ZBTB16: variants seen among roughly 807,000 people sequenced by gnomAD.
ZBTB16 encodes zinc finger and BTB domain-containing protein 16.
A neutral mutation model predicts 56.8 loss-of-function variants in ZBTB16; 8 were observed. That is an observed-to-expected ratio of 0.14 (90% confidence interval 0.08 to 0.25). The LOEUF (loss-of-function observed/expected upper bound fraction) is 0.25. Ranked by LOEUF, ZBTB16 falls within the 10% of genes least tolerant of loss-of-function variation. The probability of loss-of-function intolerance (pLI) is 1.00; values close to 1 mark genes in which losing one functional copy is unlikely to be tolerated. For missense variants in ZBTB16, 625 were observed against 903.0 expected (o/e 0.69, Z 3.95); for synonymous variants, 363 against 368.5 (o/e 0.98, Z 0.17).
chr11:114,162,100 G>T (rs1034210309), intron 3 of ZBTB16, among the ~76,000 whole-genome samples: 1 of 152,212 alleles, frequency 6.6e-6, no homozygotes, highest in Non-Finnish European at 1.5e-5. Context: ...TTCGTTGATA[G>T]ATTTTCTGAT....
At position 114,248,189 on chromosome 11, in the gene ZBTB16, G is replaced by A. The variant is rs576329315; in HGVS notation, c.1792+824G>A. 1.8e-4 allele frequency among the ~76,000 whole-genome samples: 28 copies of A among 152,270 alleles called. No individual in the cohort carries two copies. The South Asian group carries it at 2.3e-3, about 12-fold the overall frequency. On this transcript the variant is annotated intron_variant, in intron 6 of 6. Transcript: ENST00000335953. The stretch of plus-strand genomic sequence containing the variant: ...GCTGGGATTACAGGCGTGAGCCACC[G>A]TGCCCATCCACATTATTTTTTGTAT...
rs1244247575 is a variant in ZBTB16 at position 114,060,671 on chromosome 11, A to G, written c.-91+789A>G. The G allele has an allele frequency of 6.7e-6, 1 of 150,296 alleles. No individual in the cohort carries two copies. The highest frequency in any genetic ancestry group is 1.5e-5 in the Non-Finnish European group (1 of 67,676). 9.3% of individuals were successfully genotyped at this position (150,296 alleles called of 1,614,324 possible). On this transcript the variant is annotated intron_variant, in intron 1 of 6. Coordinates refer to ENST00000335953, the MANE Select transcript of ZBTB16 (RefSeq NM_006006.6). This position sits in a 1 kb window ranked among gnomAD's most constrained non-coding sequence, Gnocchi z 6.0. ...CGCTAGCTCGCACAGCGCCTCGCAC[A>G]CTCCCGCACGCGCTTGAAATGCGCA...
chr11:114,164,383 A>G (rs1942684326), intron 3 of ZBTB16, among the ~76,000 whole-genome samples: 1 of 152,204 alleles, frequency 6.6e-6, no homozygotes, highest in African/African-American at 2.4e-5. Flanking sequence ...TTATTAGGAA[A>G]TGAATGGTGC....
chr11:114,248,117 C>G (rs573626555), intron 6 of ZBTB16, among the ~76,000 whole-genome samples: 40 of 152,242 alleles, frequency 2.6e-4, no homozygotes, highest in African/African-American at 7.9e-4. Flanking sequence ...TCAGGCTGGT[C>G]TCGAACTCCT....
intron 4 of ZBTB16, among the ~76,000 whole-genome samples, chr11:114,215,890 CAG>C (rs1944084778): frequency 6.6e-6 from 1 of 152,146 alleles, no homozygotes; most frequent in Non-Finnish European, 1.5e-5. Context: ...CTGCAATAGT[CAG>C]GGGCAGGAGC....
intron 4 of ZBTB16, among the ~76,000 whole-genome samples, chr11:114,212,842 C>A (rs1325833929): frequency 6.6e-6 from 1 of 152,050 alleles, no homozygotes; most frequent in Non-Finnish European, 1.5e-5. Context: ...TCCGTGCTCA[C>A]GTGTGCCGGA....
At position 114,108,216 on chromosome 11, in the gene ZBTB16, C is replaced by T. The variant is rs238918; in HGVS notation, c.1268+43648C>T. On this transcript the variant is annotated intron_variant, in intron 2 of 6. Transcript: ENST00000335953. ...TTAGCTCTGAGACCCCAGGCCCGGACAAAAGAGGGTGCACAGAGCAGCTGA... is the reference window on the plus strand; with the variant it reads ...TTAGCTCTGAGACCCCAGGCCCGGATAAAAGAGGGTGCACAGAGCAGCTGA... Among the ~76,000 whole-genome samples, 1,344 of 152,184 alleles carry T rather than the reference C, an allele frequency of 8.8e-3. 25 individuals carry two copies. Among genetic ancestry groups the T allele is most frequent in the African/African-American group, 0.03 (1,255 of 41,522 alleles).
At chr11:114,066,392 G>A (rs2852789) in intron 2 of ZBTB16, among the ~76,000 whole-genome samples, 53,686 of 152,128 alleles carry the variant, frequency 0.35, 11,523 homozygotes, top group East Asian at 0.48. Flanking sequence ...GACTGAGGTT[G>A]TGTTTGTTTT....
intron 2 of ZBTB16, among the ~76,000 whole-genome samples, chr11:114,110,207 A>G (rs994231418): frequency 3.9e-5 from 6 of 152,032 alleles, no homozygotes; most frequent in East Asian, 3.9e-4. Context: ...TCCTAGCCCT[A>G]TGAAGGGCTC....
At chr11:114,084,650 T>C (rs1241037076) in intron 2 of ZBTB16, among the ~76,000 whole-genome samples, 2 of 152,058 alleles carry the variant, frequency 1.3e-5, no homozygotes, top group Non-Finnish European at 2.9e-5. Flanking sequence ...GAGCCCCCAC[T>C]CCGTGCATCA....
intron 2 of ZBTB16, among the ~76,000 whole-genome samples, chr11:114,093,480 C>T (rs1940269411): frequency 6.6e-6 from 1 of 152,160 alleles, no homozygotes; most frequent in African/African-American, 2.4e-5. Context: ...TGTCCTTGCC[C>T]ATCTTTGAGA....
chr11:114,091,094 T>C (rs12221908), intron 2 of ZBTB16, among the ~76,000 whole-genome samples: 1 of 152,016 alleles, frequency 6.6e-6, no homozygotes, highest in Non-Finnish European at 1.5e-5. Flanking sequence ...CTGGGTGCGG[T>C]GGGAGGCACT....
At position 114,059,740 on chromosome 11, in the gene ZBTB16, G is replaced by T. The variant is rs1938746431; in HGVS notation, c.-233G>T. On this transcript the variant is annotated 5_prime_UTR_variant, in exon 1 of 7. Coordinates refer to ENST00000335953, the MANE Select transcript of ZBTB16 (RefSeq NM_006006.6). This position sits in a 1 kb window ranked among gnomAD's most constrained non-coding sequence, Gnocchi z 5.3. ...GAGAGGAGTTGAGGGCGATGAGAGCGGGTACTGCGAACTGCCGGGCGATGC... is the reference window on the plus strand; with the variant it reads ...GAGAGGAGTTGAGGGCGATGAGAGCTGGTACTGCGAACTGCCGGGCGATGC... 5.0e-6 allele frequency: 2 copies of T among 398,370 alleles called. No individual in the cohort carries two copies. Among genetic ancestry groups the T allele is most frequent in the Middle Eastern group, 6.3e-4 (1 of 1,590 alleles). 24.7% of individuals were successfully genotyped at this position (398,370 alleles called of 1,614,324 possible). A position where few individuals can be genotyped will look rare whatever the true frequency, so the allele number is the denominator to read the frequency against.
chr11:114,209,404 G>A, intron 4 of ZBTB16: 1 of 985,364 alleles, frequency 1.0e-6, no homozygotes, highest in Non-Finnish European at 1.2e-6. Context: ...GAGGGAGGAA[G>A]GATATAAAAG....
intron 2 of ZBTB16, among the ~76,000 whole-genome samples, chr11:114,146,864 A>C (rs1305623153): frequency 6.6e-6 from 1 of 151,828 alleles, no homozygotes; most frequent in Non-Finnish European, 1.5e-5. Flanking sequence ...AAAAAAAAAA[A>C]AACCAAAACC....
chr11:114,074,341 G>T (rs116670126), intron 2 of ZBTB16, among the ~76,000 whole-genome samples: 8 of 152,196 alleles, frequency 5.3e-5, no homozygotes. Context: ...GGCCCTTAGC[G>T]TGATCCATCG....
intron 6 of ZBTB16, among the ~76,000 whole-genome samples, chr11:114,249,771 C>CAAAAAAAAAAAAAACA (rs1944884901): frequency 1.7e-5 from 1 of 59,336 alleles, no homozygotes; most frequent in Non-Finnish European, 2.8e-5. Flanking sequence ...GACTCCGTCT[C>CAAAAAAAAAAAAAACA]AAAAAAAAAA....
At chr11:114,179,108 C>A (rs1943186244) in intron 3 of ZBTB16, among the ~76,000 whole-genome samples, 1 of 152,214 alleles carries the variant, frequency 6.6e-6, no homozygotes, top group African/African-American at 2.4e-5. Context: ...CACAGCTACC[C>A]TTGAACCATA....
rs950824820 is a variant in ZBTB16 at position 114,251,971 on chromosome 11, G to A, written c.*1416G>A. Among the ~76,000 whole-genome samples, 6 of 152,144 alleles carry A rather than the reference G, an allele frequency of 3.9e-5. No individual in the cohort carries two copies. The highest frequency in any genetic ancestry group is 7.3e-5 in the Non-Finnish European group (5 of 68,040). On this transcript the variant is annotated 3_prime_UTR_variant, in exon 7 of 7. Transcript: ENST00000335953. ...GAGGGTGTTCTTTTCTGTTTCTTGT[G>A]TAAATTAATAGTTGTTTTTATAGAC...
Sources: gnomAD v4.1 joint callset for allele counts (sites outside exome capture counted in the v4.1 genomes callset) on GRCh38, gnomAD v4.1.1 for gene constraint, Gnocchi (gnomAD v3.1) non-coding constraint, MANE v1.5 for transcripts, NCBI Gene and HGNC (gene_info 2026-07-23, HGNC 2026-07-21) for gene names.